The following STARD13 variants were observed in gnomAD, a reference collection of about 807,000 sequenced individuals.
STARD13 encodes stAR-related lipid transfer protein 13.
Under a neutral mutation model 106.4 loss-of-function variants are expected in STARD13, and 62 were observed. The ratio of observed to expected loss-of-function variants is 0.58; its 90% CI spans 0.48 to 0.72. The LOEUF (loss-of-function observed/expected upper bound fraction) is 0.72. Among genes scored for constraint, STARD13 ranks in the 30% least tolerant of loss-of-function variants. The pLI, the probability that STARD13 is intolerant of heterozygous loss-of-function variation, is 0.00. For synonymous variants in STARD13, 565 were observed against 553.0 expected, an observed-to-expected ratio of 1.02 and a Z score of -0.31; for missense variants, 1,387 against 1,424.0, an observed-to-expected ratio of 0.97 and a Z score of 0.42.
intron 1 of STARD13, among the ~76,000 whole-genome samples, chr13:33,215,123 G>T (rs369207926): frequency 2.0e-4 from 26 of 128,898 alleles, no homozygotes; most frequent in Admixed American, 7.5e-4. Flanking sequence ...AGTACTTGGG[G>T]GGGGGGGTGG....
At chr13:33,462,801 C>A in the STARD13 span, among the ~76,000 whole-genome samples, 1 of 152,164 alleles carries the variant, frequency 6.6e-6, no homozygotes, top group African/African-American at 2.4e-5. Context: ...TGGTGCCCAC[C>A]CAGATTGAGG....
At chr13:33,433,159 T>C in the STARD13 span, among the ~76,000 whole-genome samples, 1 of 152,226 alleles carries the variant, frequency 6.6e-6, no homozygotes, top group African/African-American at 2.4e-5. Flanking sequence ...AAGTATTGAT[T>C]ATACTAAAGG....
the STARD13 span, among the ~76,000 whole-genome samples, chr13:33,546,663 T>TTC: frequency 6.6e-6 from 1 of 151,934 alleles, no homozygotes; most frequent in Non-Finnish European, 1.5e-5. Context: ...TTTTTTTTTT[T>TTC]GAGACAGTCT....
intron 7 of STARD13, among the ~76,000 whole-genome samples, chr13:33,124,069 T>C (rs1876779722): frequency 6.6e-6 from 1 of 152,262 alleles, no homozygotes; most frequent in Admixed American, 6.5e-5. Context: ...TGCTTTTCAC[T>C]CTTTTCCCCT....
At chr13:33,146,058 C>T (rs1236973731) in intron 3 of STARD13, among the ~76,000 whole-genome samples, 2 of 152,132 alleles carry the variant, frequency 1.3e-5, no homozygotes, top group African/African-American at 4.8e-5. Flanking sequence ...GGTGTGGTGG[C>T]TTATGCCTGT....
At chr13:33,165,741 C>G (rs551483457) in intron 2 of STARD13, among the ~76,000 whole-genome samples, 1 of 152,318 alleles carries the variant, frequency 6.6e-6, no homozygotes, top group Admixed American at 6.5e-5. Flanking sequence ...CTTTCACCAT[C>G]CACCTAACAC....
chr13:33,623,053 T>TG, the STARD13 span, among the ~76,000 whole-genome samples: 1 of 152,218 alleles, frequency 6.6e-6, no homozygotes, highest in East Asian at 1.9e-4. Flanking sequence ...GAGCTGAGAT[T>TG]GTGCCATGCA....
the STARD13 span, among the ~76,000 whole-genome samples, chr13:33,542,413 C>A: frequency 2.0e-5 from 3 of 152,252 alleles, no homozygotes; most frequent in African/African-American, 7.2e-5. Context: ...AGCCAGAAAC[C>A]CAAACCCCGT....
At chr13:33,572,833 G>A in the STARD13 span, among the ~76,000 whole-genome samples, 977 of 152,204 alleles carry the variant, frequency 6.4e-3, 14 homozygotes, top group South Asian at 0.042. Flanking sequence ...AAATAACCTG[G>A]AGATGTTTTA....
chr13:33,639,185 G>A, the STARD13 span, among the ~76,000 whole-genome samples: 2 of 152,204 alleles, frequency 1.3e-5, no homozygotes, highest in East Asian at 3.9e-4. Context: ...GTGAGATGAT[G>A]AAGAGTTGGA....
chr13:33,407,965 A>AT, the STARD13 span, among the ~76,000 whole-genome samples: 1 of 152,130 alleles, frequency 6.6e-6, no homozygotes, highest in Non-Finnish European at 1.5e-5. Flanking sequence ...GCATTTACTA[A>AT]TCTCAACGTG....
intron 1 of STARD13, among the ~76,000 whole-genome samples, chr13:33,256,738 G>A (rs937648623): frequency 1.3e-5 from 2 of 152,160 alleles, no homozygotes; most frequent in South Asian, 4.1e-4. Flanking sequence ...CAAACAAGAT[G>A]GCAGAAACAA....
intron 1 of STARD13, among the ~76,000 whole-genome samples, chr13:33,316,042 T>G (rs2138514319): frequency 6.6e-6 from 1 of 152,314 alleles, no homozygotes; most frequent in South Asian, 2.1e-4. Context: ...AGCATTGAGC[T>G]CTGATAATAA....
chr13:33,602,238 C>T, the STARD13 span, among the ~76,000 whole-genome samples: 5 of 151,998 alleles, frequency 3.3e-5, no homozygotes, highest in South Asian at 2.1e-4. Flanking sequence ...ACTACAGGCA[C>T]GTGCAACCAC....
At position 33,137,385 on chromosome 13, in the gene STARD13, G is replaced by A. The variant is rs562710939; in HGVS notation, c.387+4925C>T. The stretch of plus-strand genomic sequence containing the variant: ...TGCCATTGTTGTGAAATGAATGGGC[G>A]TAGCTATTGATCCAATAAAACTTTA... On this transcript the variant is annotated intron_variant, in intron 4 of 13. Transcript: ENST00000336934. Among the ~76,000 whole-genome samples the A allele has an allele frequency of 1.3e-3, 192 of 152,326 alleles. 1 individual carries two copies. Among genetic ancestry groups the A allele is most frequent in the African/African-American group, 3.7e-3 (153 of 41,576 alleles).
At chr13:33,593,999 C>T in the STARD13 span, among the ~76,000 whole-genome samples, 9 of 152,218 alleles carry the variant, frequency 5.9e-5, no homozygotes, top group South Asian at 6.2e-4. Context: ...CTCTGTCTCC[C>T]GGGTTCACGC....
intron 1 of STARD13, among the ~76,000 whole-genome samples, chr13:33,242,709 A>T (rs955895961): frequency 2.6e-5 from 4 of 152,112 alleles, no homozygotes; most frequent in African/African-American, 9.7e-5. Context: ...TGACCCTGCC[A>T]AATCCCCCTC....
At position 33,137,619 on chromosome 13, in the gene STARD13, T is replaced by C. The variant is rs541740303; in HGVS notation, c.387+4691A>G. 3.9e-5 allele frequency among the ~76,000 whole-genome samples: 6 copies of C among 152,226 alleles called. No homozygotes were observed. The South Asian group carries it at 1.2e-3, about 32-fold the overall frequency. ...GAATAAAATAAATTGCCTTGCCATG[T>C]GAAGAGCTCGTCATGTTGAGAAGCT... On this transcript the variant is annotated intron_variant, in intron 4 of 13. Transcript: ENST00000336934.
chr13:33,306,874 C>T (rs559325335), intron 1 of STARD13, among the ~76,000 whole-genome samples: 59 of 152,092 alleles, frequency 3.9e-4, no homozygotes, highest in African/African-American at 1.9e-4. Context: ...CACTCAAACC[C>T]GGGAGGTGGA....
Sources: allele counts gnomAD v4.1 joint callset (sites outside exome capture counted in the v4.1 genomes callset), GRCh38; gene constraint gnomAD v4.1.1; transcripts MANE v1.5; gene names NCBI Gene and HGNC (gene_info 2026-07-23, HGNC 2026-07-21).